The following FBXO21 variants were observed in gnomAD, a reference collection of about 807,000 sequenced individuals.
FBXO21 encodes the protein F-box only protein 21.
FBXO21 carries 32 observed loss-of-function variants against 76.6 expected under a neutral mutation model. The ratio of observed to expected loss-of-function variants is 0.42; its 90% CI spans 0.32 to 0.56. The LOEUF is 0.56. Ranked by LOEUF, FBXO21 falls within the 20% of genes least tolerant of loss-of-function variation. The probability of loss-of-function intolerance (pLI) is 0.16; values close to 1 mark genes in which losing one functional copy is unlikely to be tolerated. For synonymous variants in FBXO21, 328 were observed against 311.5 expected (o/e 1.05, Z -0.56); for missense variants, 586 against 797.3 (o/e 0.73, Z 3.19).
chr12:117,187,671 A>G (rs1027955766), intron 2 of FBXO21, among the ~76,000 whole-genome samples: 9 of 152,192 alleles, frequency 5.9e-5, no homozygotes, highest in South Asian at 2.1e-4. Flanking sequence ...GGAGCTGAGG[A>G]AAAAACACAA....
intron 11 of FBXO21, 133 bp downstream of exon 11, chr12:117,155,658 G>A: frequency 9.9e-7 from 1 of 1,014,888 alleles, no homozygotes; most frequent in East Asian, 2.6e-5. Flanking sequence ...GGGCCCGAAG[G>A]AGGCCGGCCA....
At chr12:117,173,961 T>C (rs1054122782) in intron 6 of FBXO21, among the ~76,000 whole-genome samples, 4 of 152,134 alleles carry the variant, frequency 2.6e-5, no homozygotes, top group East Asian at 1.9e-4. Context: ...CTGGGCAACA[T>C]AGCAAGACCT....
intron 11 of FBXO21, among the ~76,000 whole-genome samples, chr12:117,151,850 A>G (rs545833277): frequency 1.3e-5 from 2 of 149,508 alleles, no homozygotes; most frequent in South Asian, 2.3e-4. Flanking sequence ...TCTCATACAA[A>G]GATTTAGGCA....
chr12:117,181,498 C>T (rs1956230271), intron 3 of FBXO21, among the ~76,000 whole-genome samples: 1 of 152,138 alleles, frequency 6.6e-6, no homozygotes, highest in African/African-American at 2.4e-5. Context: ...TTCTGTGACA[C>T]TTTTCTCAGG....
chr12:117,165,538 G>C lies in FBXO21; in HGVS notation c.1273C>G (p.Leu425Val). The C allele has an allele frequency of 6.2e-7, 1 of 1,613,988 alleles. No individual in the cohort carries two copies. The highest frequency in any genetic ancestry group is 8.5e-7 in the Non-Finnish European group (1 of 1,179,922). ...TAAAGCCTGGCTTGGAGGAGGAGAA[G>C]CTGCACCTGGTCCGGGTACATTGCC... ...YLAMYPDQVQ[L>V]LLLQARLYFH... The change falls in exon 9 of 12, where the codon CTT becomes GTT. Residue 425 changes from leucine (L) to valine (V), a missense_variant. Physicochemically the swap from Leu to Val is conservative, Grantham distance 32. Around this residue, in one of 6 missense-constraint regions of FBXO21, gnomAD observed 14 missense variants for 18.3 expected, o/e 0.76. Transcript: ENST00000622495.
intron 11 of FBXO21, among the ~76,000 whole-genome samples, chr12:117,148,112 T>C (rs1308185094): frequency 3.3e-5 from 5 of 152,130 alleles, no homozygotes; most frequent in African/African-American, 9.7e-5. Flanking sequence ...TGACTTTAAC[T>C]GGTAGTCTTT....
chr12:117,157,407 C>T (rs1314017800), intron 10 of FBXO21, among the ~76,000 whole-genome samples: 2 of 152,208 alleles, frequency 1.3e-5, no homozygotes, highest in Non-Finnish European at 2.9e-5. Flanking sequence ...AGAATAGGAA[C>T]TCCAGGCTCC....
chr12:117,158,412 G>T (rs1018882654), intron 9 of FBXO21, among the ~76,000 whole-genome samples: 3 of 152,146 alleles, frequency 2.0e-5, no homozygotes, highest in African/African-American at 7.2e-5. Flanking sequence ...TGGATGAGGT[G>T]GGCTCTAACA....
In FBXO21 at chr12:117,174,226, G is replaced by A; in HGVS notation, c.855C>T (p.Ala285=). The A allele has an allele frequency of 6.2e-7, 1 of 1,612,466 alleles. No homozygotes were observed. ...FKGNRMDYYN[A]LNLYMHQVLI... ...TTACCTGATGCATATATAAGTTGAG[G>A]GCATTATAGTAATCCATTCGATTCC... The change falls in exon 6 of 12, where the codon GCC becomes GCT. Residue 285 remains alanine, a synonymous_variant. Transcript: ENST00000622495.
At position 117,142,938 on chromosome 12, in the gene FBXO21, A is replaced by AT. The variant is rs1195268973; in HGVS notation, c.*3148_*3149insA. 6.6e-6 allele frequency: 1 copy of AT among 152,192 alleles called. No individual in the cohort carries two copies. Among genetic ancestry groups the AT allele is most frequent in the Non-Finnish European group, 1.5e-5 (1 of 68,036 alleles). The allele number at this position is 152,192 out of a possible 1,614,324, so 9.4% of individuals were successfully genotyped here. On this transcript the variant is annotated 3_prime_UTR_variant, in exon 12 of 12. Transcript: ENST00000622495. ...CTTTAAGTAGATAGTATGCAATGGA[A>AT]AACTGAGCCGGCAACAGTACTTAAT...
At chr12:117,183,984 T>C (rs943567755) in intron 3 of FBXO21, among the ~76,000 whole-genome samples, 3 of 152,154 alleles carry the variant, frequency 2.0e-5, no homozygotes, top group Admixed American at 2.0e-4. Context: ...CTGGGATGCA[T>C]TTGTCAATTA....
At chr12:117,185,833 G>A (rs758435125) in intron 3 of FBXO21, among the ~76,000 whole-genome samples, 2 of 152,098 alleles carry the variant, frequency 1.3e-5, no homozygotes, top group Non-Finnish European at 1.5e-5. Flanking sequence ...ATAGTAAGTG[G>A]AGAGGTAATA....
In FBXO21 at chr12:117,144,565, G is replaced by C. The variant is rs1032624896; in HGVS notation, c.*1522C>G. ...TAAACAAGCAGCAGGCATTCAACAT[G>C]GGTGAGAATACTGCATGCAGATGGA... On this transcript the variant is annotated 3_prime_UTR_variant, in exon 12 of 12. Transcript: ENST00000622495. 3.3e-5 allele frequency: 5 copies of C among 152,180 alleles called. No individual in the cohort carries two copies. The highest frequency in any genetic ancestry group is 9.7e-5 in the African/African-American group (4 of 41,442). The allele number at this position is 152,180 out of a possible 1,614,324, so 9.4% of individuals were successfully genotyped here. A position where few individuals can be genotyped will look rare whatever the true frequency, so the allele number is the denominator to read the frequency against.
At chr12:117,151,086 G>C (rs1179270050) in intron 11 of FBXO21, among the ~76,000 whole-genome samples, 1 of 151,920 alleles carries the variant, frequency 6.6e-6, no homozygotes, top group Non-Finnish European at 1.5e-5. Context: ...CGTTTGTCGA[G>C]GACATGCCAT....
At chr12:117,186,827 G>A (rs1347088422) in intron 2 of FBXO21, among the ~76,000 whole-genome samples, 2 of 152,140 alleles carry the variant, frequency 1.3e-5, no homozygotes, top group Non-Finnish European at 2.9e-5. Context: ...CAGTTCTAAC[G>A]TAAAGAAAAC....
At chr12:117,167,633 C>T (rs533569140) in intron 7 of FBXO21, among the ~76,000 whole-genome samples, 52 of 151,780 alleles carry the variant, frequency 3.4e-4, no homozygotes, top group Middle Eastern at 3.4e-3. Flanking sequence ...CCCAGCTACT[C>T]GGGAGGCTGA....
At chr12:117,183,052 C>T (rs1170504945) in intron 3 of FBXO21, among the ~76,000 whole-genome samples, 1 of 152,188 alleles carries the variant, frequency 6.6e-6, no homozygotes, top group African/African-American at 2.4e-5. Flanking sequence ...ATGATTGCGT[C>T]ACAGCATTCC....
intron 9 of FBXO21, among the ~76,000 whole-genome samples, chr12:117,162,254 TCTGGCAGCAGGAAGGAGAAG>T (rs1955987889): frequency 6.8e-6 from 1 of 146,756 alleles, no homozygotes; most frequent in Non-Finnish European, 1.5e-5. Context: ...AGGACGAAGG[TCTGGCAGCAGGAAGGAGAAG>T]GTGCCTGTGT....
At chr12:117,163,996 G>T (rs1390813658) in intron 9 of FBXO21, among the ~76,000 whole-genome samples, 1 of 151,718 alleles carries the variant, frequency 6.6e-6, no homozygotes, top group Admixed American at 6.6e-5. Context: ...GCAGGGTGTG[G>T]TGGCACACAC....
Sources: gnomAD v4.1 joint callset for allele counts (sites outside exome capture counted in the v4.1 genomes callset) on GRCh38, gnomAD v4.1.1 for gene constraint, gnomAD v4.1.1 regional missense constraint, MANE v1.5 for transcripts, NCBI Gene and HGNC (gene_info 2026-07-23, HGNC 2026-07-21) for gene names.